BNC2: variants seen among roughly 807,000 people sequenced by gnomAD.
BNC2 encodes the protein zinc finger protein basonuclin-2.
Under a neutral mutation model 76.3 loss-of-function variants are expected in BNC2, and 20 were observed. The ratio of observed to expected loss-of-function variants is 0.26; its 90% CI spans 0.18 to 0.38. The LOEUF (loss-of-function observed/expected upper bound fraction) is 0.38. Ranked by LOEUF, BNC2 falls within the 10% of genes least tolerant of loss-of-function variation. The probability of loss-of-function intolerance (pLI) is 1.00; values close to 1 mark genes in which losing one functional copy is unlikely to be tolerated. For missense variants in BNC2, 1,382 were observed against 1,399.8 expected (o/e 0.99, Z 0.20); for synonymous variants, 582 against 514.8 (o/e 1.13, Z -1.77).
intron 1 of BNC2, among the ~76,000 whole-genome samples, chr9:16,858,306 G>C (rs1819312517): frequency 6.6e-6 from 1 of 152,166 alleles, no homozygotes; most frequent in African/African-American, 2.4e-5. Context: ...TAAACTCAAT[G>C]ATAATTAAGA....
intron 3 of BNC2, among the ~76,000 whole-genome samples, chr9:16,692,872 G>GT (rs1236989920): frequency 1.3e-5 from 2 of 152,104 alleles, no homozygotes; most frequent in Non-Finnish European, 2.9e-5. Context: ...GCTCATGCCT[G>GT]TAATTCCAGC....
At position 16,628,281 on chromosome 9, in the gene BNC2, T is replaced by A. The variant is rs1821055885; in HGVS notation, c.331-45196A>T. Among the ~76,000 whole-genome samples, 3 of 152,186 alleles carry A rather than the reference T, an allele frequency of 2.0e-5. No homozygotes were observed. In the South Asian group the frequency reaches 6.2e-4, roughly 31 times the overall value. On this transcript the variant is annotated intron_variant, in intron 3 of 6. Coordinates refer to ENST00000380672, the MANE Select transcript of BNC2 (RefSeq NM_017637.6). ...TGTCTGCCTTCTCAGGGCGGCTTTG[T>A]CTCTGTTCTATGTCTCTGCTCTGTC...
chr9:16,474,632 CTT>C (rs1821892388), intron 5 of BNC2, among the ~76,000 whole-genome samples: 1 of 152,114 alleles, frequency 6.6e-6, no homozygotes, highest in Non-Finnish European at 1.5e-5. Flanking sequence ...CTCTGCAACA[CTT>C]TGTTTTGAAA....
chr9:16,612,594 T>C (rs1820580787), intron 3 of BNC2, among the ~76,000 whole-genome samples: 2 of 152,198 alleles, frequency 1.3e-5, no homozygotes, highest in Admixed American at 1.3e-4. Flanking sequence ...ACCTACTATG[T>C]AGAAAACAGA....
intron 5 of BNC2, among the ~76,000 whole-genome samples, chr9:16,523,068 C>A (rs1817670093): frequency 6.6e-6 from 1 of 152,154 alleles, no homozygotes; most frequent in South Asian, 2.1e-4. Flanking sequence ...GGAAGCAGAA[C>A]TGGTGAGAGA....
chr9:16,769,081 T>C (rs887454901), intron 1 of BNC2, among the ~76,000 whole-genome samples: 4 of 152,112 alleles, frequency 2.6e-5, no homozygotes, highest in Non-Finnish European at 5.9e-5. Context: ...GGGTCTTCTG[T>C]AAGAATTACA....
chr9:16,677,614 A>C (rs1822691645), intron 3 of BNC2, among the ~76,000 whole-genome samples: 1 of 73,116 alleles, frequency 1.4e-5, no homozygotes. Context: ...CACAGTAGCA[A>C]TATCCTGACT....
chr9:16,457,599 T>G (rs1821481976), intron 5 of BNC2, among the ~76,000 whole-genome samples: 1 of 152,216 alleles, frequency 6.6e-6, no homozygotes, highest in African/African-American at 2.4e-5. Context: ...GAAGCTCATT[T>G]GCAACTCAGT....
intron 6 of BNC2, among the ~76,000 whole-genome samples, chr9:16,425,704 C>T (rs1481553602): frequency 2.0e-5 from 3 of 152,330 alleles, no homozygotes; most frequent in Admixed American, 2.0e-4. Context: ...AATGTTGTAA[C>T]TCTGAAGACG....
intron 3 of BNC2, among the ~76,000 whole-genome samples, chr9:16,649,584 T>C (rs927140193): frequency 2.6e-5 from 4 of 152,140 alleles, no homozygotes; most frequent in Non-Finnish European, 4.4e-5. Flanking sequence ...TGTTTAGGGA[T>C]TAAAAAACCA....
At chr9:16,556,890 A>G (rs1818851327) in intron 4 of BNC2, among the ~76,000 whole-genome samples, 1 of 152,204 alleles carries the variant, frequency 6.6e-6, no homozygotes, top group African/African-American at 2.4e-5. Flanking sequence ...ACTAGATCAT[A>G]TCGAGTCACC....
chr9:16,806,153 C>T (rs1817904440), intron 1 of BNC2, among the ~76,000 whole-genome samples: 1 of 152,060 alleles, frequency 6.6e-6, no homozygotes, highest in Admixed American at 6.6e-5. Context: ...AAAGCTTTAA[C>T]AGGGGGTGAT....
At chr9:16,677,713 T>G (rs1349672843) in intron 3 of BNC2, among the ~76,000 whole-genome samples, 4 of 151,746 alleles carry the variant, frequency 2.6e-5, no homozygotes, top group Admixed American at 2.6e-4. Context: ...GTGTCCGGAG[T>G]TAAGAAGGGA....
At chr9:16,868,648 T>G (rs1158122775) in intron 1 of BNC2, among the ~76,000 whole-genome samples, 1 of 152,238 alleles carries the variant, frequency 6.6e-6, no homozygotes, top group Non-Finnish European at 1.5e-5. Context: ...CAGGTAAAGA[T>G]ACTCCTGTAC....
At chr9:16,597,791 G>C (rs1820133380) in intron 3 of BNC2, among the ~76,000 whole-genome samples, 1 of 151,902 alleles carries the variant, frequency 6.6e-6, no homozygotes, top group Non-Finnish European at 1.5e-5. Flanking sequence ...TACAAAGCTA[G>C]TTGTGATTTA....
intron 1 of BNC2, among the ~76,000 whole-genome samples, chr9:16,772,263 A>C (rs1215481719): frequency 6.6e-6 from 1 of 152,164 alleles, no homozygotes; most frequent in African/African-American, 2.4e-5. Flanking sequence ...TATAAAAATA[A>C]ACTGTGAGCC....
rs186444086 is a variant in BNC2, at chr9:16,660,211, T to G, written c.330+67586A>C. Among the ~76,000 whole-genome samples the G allele has an allele frequency of 1.5e-3, 234 of 152,280 alleles. 1 individual carries two copies. The highest frequency in any genetic ancestry group is 5.2e-3 in the African/African-American group (216 of 41,564). ...GGCTCAAGCCTGTAATCCCAGCACT[T>G]CGGGAGGCCGAGTCGGGCGGATCAC... On this transcript the variant is annotated intron_variant, in intron 3 of 6. Transcript: ENST00000380672.
At chr9:16,674,376 C>A (rs373535362) in intron 3 of BNC2, among the ~76,000 whole-genome samples, 1 of 152,142 alleles carries the variant, frequency 6.6e-6, no homozygotes, top group South Asian at 2.1e-4. Context: ...GACCCACTTA[C>A]AATACACCAT....
intron 1 of BNC2, among the ~76,000 whole-genome samples, chr9:16,847,291 G>A (rs1355207200): frequency 6.6e-6 from 1 of 151,480 alleles, no homozygotes; most frequent in East Asian, 1.9e-4. Flanking sequence ...GTTATGGAGT[G>A]TGTGCGTTTA....
Sources: allele counts gnomAD v4.1 joint callset (sites outside exome capture counted in the v4.1 genomes callset), GRCh38; gene constraint gnomAD v4.1.1; transcripts MANE v1.5; gene names NCBI Gene and HGNC (gene_info 2026-07-23, HGNC 2026-07-21).